Variants in FAM107A observed in about 807,000 individuals in gnomAD.
The protein encoded by FAM107A is actin-associated protein FAM107A.
In FAM107A, 19 loss-of-function variants were observed where a neutral mutation model predicts 13.7. The observed-to-expected ratio is 1.38, with a 90% CI of 0.97 to 2.03. The LOEUF is 2.03. Ranked by LOEUF, FAM107A falls within the 30% of genes most tolerant of loss-of-function variation. The pLI, the probability that FAM107A is intolerant of heterozygous loss-of-function variation, is 0.00. For missense variants in FAM107A, 203 were observed against 184.4 expected, an observed-to-expected ratio of 1.10 and a Z score of -0.58; for synonymous variants, 82 against 74.5, an observed-to-expected ratio of 1.10 and a Z score of -0.52.
rs567114705 is a variant in FAM107A, at chr3:58,613,868, G to A, written c.-70+13548C>T. On this transcript the variant is annotated intron_variant, in intron 1 of 3. Transcript: ENST00000465970. This position sits in a 1 kb window ranked among gnomAD's most constrained non-coding sequence, Gnocchi z 4.6. The stretch of plus-strand genomic sequence containing the variant: ...CTTACGGCCTGTCCAAGGTCTATAC[G>A]TTACATCTGCCTCAGACAGCCTTCT... 8.3e-4 allele frequency among the ~76,000 whole-genome samples: 127 copies of A among 152,348 alleles called. No individual in the cohort carries two copies. The highest frequency in any genetic ancestry group is 2.8e-3 in the African/African-American group (115 of 41,584).
upstream of FAM107A, chr3:58,589,373 G>T: frequency 1.3e-6 from 1 of 750,696 alleles, no homozygotes; most frequent in Non-Finnish European, 2.2e-6. Context: ...CCACTGAAGG[G>T]ACTGGTCAGA....
intron 1 of FAM107A, among the ~76,000 whole-genome samples, chr3:58,583,012 T>G (rs1343310130): frequency 6.6e-6 from 1 of 152,186 alleles, no homozygotes; most frequent in Non-Finnish European, 1.5e-5. Context: ...TTGGCCAGGC[T>G]GGTCTCGAAC....
At chr3:58,607,435 C>T (rs965581343) in intron 1 of FAM107A, among the ~76,000 whole-genome samples, 5 of 152,090 alleles carry the variant, frequency 3.3e-5, no homozygotes, top group African/African-American at 9.7e-5. Context: ...ATGACTCTCA[C>T]CCCTGTGCTG....
intron 1 of FAM107A, among the ~76,000 whole-genome samples, chr3:58,601,173 A>G (rs746101814): frequency 6.6e-6 from 1 of 152,242 alleles, no homozygotes; most frequent in South Asian, 2.1e-4. Flanking sequence ...TTTTCATTAT[A>G]TAATGATAAA....
At chr3:58,594,704 C>T (rs2065683797) in intron 1 of FAM107A, among the ~76,000 whole-genome samples, 1 of 152,148 alleles carries the variant, frequency 6.6e-6, no homozygotes, top group Non-Finnish European at 1.5e-5. Context: ...TTTTGTTTTT[C>T]TTATTAATAT....
upstream of FAM107A, among the ~76,000 whole-genome samples, chr3:58,590,424 T>C (rs1435334997): frequency 6.6e-6 from 1 of 152,230 alleles, no homozygotes; most frequent in Non-Finnish European, 1.5e-5. Context: ...CACCTTAGCC[T>C]GAGTACCACT....
chr3:58,569,148 C>A lies in FAM107A; in HGVS notation c.170+543G>T, dbSNP rs2063654912. On this transcript the variant is annotated intron_variant, in intron 2 of 3. Transcript: ENST00000360997. The surrounding 1 kb of genome is among the most constrained non-coding windows in gnomAD (Gnocchi z 5.7). ...CAGTGAGTGACTCCTGTTTCCTGTTCATTTACATATGAGGTTCCCTCTGCC... is the reference window on the plus strand; with the variant it reads ...CAGTGAGTGACTCCTGTTTCCTGTTAATTTACATATGAGGTTCCCTCTGCC... Among the ~76,000 whole-genome samples, 1 of 152,224 alleles carries A rather than the reference C, an allele frequency of 6.6e-6. No homozygotes were observed. The highest frequency in any genetic ancestry group is 1.5e-5 in the Non-Finnish European group (1 of 68,036).
intron 3 of FAM107A, 92 bp from the exon 4 acceptor site, chr3:58,566,787 G>T: frequency 9.7e-7 from 1 of 1,034,496 alleles, no homozygotes; most frequent in Non-Finnish European, 1.5e-6. Context: ...GGCCCACTCA[G>T]TGGGGAAACA....
chr3:58,624,203 G>T (rs900882), intron 1 of FAM107A, among the ~76,000 whole-genome samples: 77,979 of 152,022 alleles, frequency 0.51, 20,169 homozygotes, highest in African/African-American at 0.58. Flanking sequence ...TGCATGCCCA[G>T]TGGGTCAAAT....
chr3:58,583,661 GTTTTTC>G (rs1314253474), intron 1 of FAM107A, among the ~76,000 whole-genome samples: 12 of 151,962 alleles, frequency 7.9e-5, no homozygotes, highest in East Asian at 3.9e-4. Context: ...TGGGATAAAC[GTTTTTC>G]TTTTTCTTTT....
intron 1 of FAM107A, among the ~76,000 whole-genome samples, chr3:58,621,443 C>T (rs770581169): frequency 6.6e-6 from 1 of 152,156 alleles, no homozygotes; most frequent in Non-Finnish European, 1.5e-5. Flanking sequence ...AGGGACCCCA[C>T]ATTTTCATTT....
chr3:58,608,845 C>A (rs2108076012), intron 1 of FAM107A: 1 of 152,298 alleles, frequency 6.6e-6, no homozygotes, highest in South Asian at 2.1e-4. Context: ...GGGCAGGCAG[C>A]CACTTTCCTG....
chr3:58,589,087 A>G, upstream of FAM107A: 1 of 692,882 alleles, frequency 1.4e-6, no homozygotes, highest in Admixed American at 2.3e-5. Context: ...GGGAGAAACC[A>G]AACCAGCTGT....
At chr3:58,567,090 A>T in intron 3 of FAM107A, 118 bp downstream of exon 3, 1 of 1,280,636 alleles carries the variant, frequency 7.8e-7, no homozygotes, top group Non-Finnish European at 1.1e-6. Context: ...GTGGACTCTT[A>T]GTCCAGTGCT....
At position 58,567,187 on chromosome 3, in the gene FAM107A, T is replaced by C. The variant is rs1160611363; in HGVS notation, c.327+21A>G. ...ACAGCCCTGGAGGATGCGTGGTCCC[T>C]GCTGGGTGCCCATCACCCACCTGGT... On this transcript the variant is annotated intron_variant, in intron 3 of 3. Coordinates refer to ENST00000360997, the MANE Select transcript of FAM107A (RefSeq NM_001076778.3). 2.5e-6 allele frequency: 4 copies of C among 1,613,758 alleles called. No homozygotes were observed. In the African/African-American group the frequency reaches 4.0e-5, roughly 16 times the overall value.
At chr3:58,601,135 G>A (rs1371889949) in intron 1 of FAM107A, among the ~76,000 whole-genome samples, 2 of 152,132 alleles carry the variant, frequency 1.3e-5, no homozygotes, top group Non-Finnish European at 2.9e-5. Context: ...ATTGATCATA[G>A]GCTCACTTTT....
In FAM107A at chr3:58,565,100, G is replaced by C. The variant is rs2063606862; in HGVS notation, c.*1488C>G. 6.6e-6 allele frequency: 1 copy of C among 152,244 alleles called. No homozygotes were observed. Among genetic ancestry groups the C allele is most frequent in the Non-Finnish European group, 1.5e-5 (1 of 68,052 alleles). 9.4% of individuals were successfully genotyped at this position (152,244 alleles called of 1,614,324 possible). A position where few individuals can be genotyped will look rare whatever the true frequency, so the allele number is the denominator to read the frequency against. ...CCAGCACTGCTCTGTCACCTTAGATGATGGGTTTAGGAAGCCAGAGGCAGG... is the reference window on the plus strand; with the variant it reads ...CCAGCACTGCTCTGTCACCTTAGATCATGGGTTTAGGAAGCCAGAGGCAGG... On this transcript the variant is annotated 3_prime_UTR_variant, in exon 4 of 4. Transcript: ENST00000360997.
chr3:58,608,277 G>GTCA (rs968098242), intron 1 of FAM107A, among the ~76,000 whole-genome samples: 75 of 151,876 alleles, frequency 4.9e-4, no homozygotes, highest in Middle Eastern at 3.4e-3. Flanking sequence ...TTTAATTTTC[G>GTCA]TCATTCATTT....
chr3:58,585,754 C>T (rs1368676415), intron 1 of FAM107A, among the ~76,000 whole-genome samples: 1 of 152,254 alleles, frequency 6.6e-6, no homozygotes, highest in Non-Finnish European at 1.5e-5. Context: ...CCAAACGTCT[C>T]TCTCCAAGGA....
Sources: allele counts gnomAD v4.1 joint callset (sites outside exome capture counted in the v4.1 genomes callset), GRCh38; gene constraint gnomAD v4.1.1; non-coding constraint Gnocchi (gnomAD v3.1); transcripts MANE v1.5; gene names NCBI Gene and HGNC (gene_info 2026-07-23, HGNC 2026-07-21).